The following THSD7B variants were observed in gnomAD, a reference collection of about 807,000 sequenced individuals.
THSD7B encodes thrombospondin type-1 domain-containing protein 7B.
THSD7B carries 138 observed loss-of-function variants against 213.6 expected under a neutral mutation model. The ratio of observed to expected loss-of-function variants is 0.65; its 90% CI spans 0.56 to 0.74. The LOEUF is 0.74. Among genes scored for constraint, THSD7B ranks in the 30% least tolerant of loss-of-function variants. The pLI, the probability that THSD7B is intolerant of heterozygous loss-of-function variation, is 0.00. For synonymous variants in THSD7B, 742 were observed against 687.0 expected (o/e 1.08, Z -1.25); for missense variants, 1,931 against 1,991.5 (o/e 0.97, Z 0.58).
At chr2:136,833,490 TTTTAGA>T (rs1682793982) in intron 1 of THSD7B, among the ~76,000 whole-genome samples, 1 of 151,260 alleles carries the variant, frequency 6.6e-6, no homozygotes, top group Non-Finnish European at 1.5e-5. Flanking sequence ...TCTCTTTCCT[TTTTAGA>T]TTTAAGGCAA....
intron 3 of THSD7B, among the ~76,000 whole-genome samples, chr2:137,085,558 G>C (rs928217329): frequency 1.3e-5 from 2 of 151,948 alleles, no homozygotes; most frequent in African/African-American, 4.8e-5. Context: ...TAAAAAGTTG[G>C]AGACTAATTT....
chr2:137,257,680 G>A (rs747498231), intron 10 of THSD7B, among the ~76,000 whole-genome samples: 10 of 152,136 alleles, frequency 6.6e-5, no homozygotes, highest in Non-Finnish European at 1.3e-4. Flanking sequence ...GTCTTTATTG[G>A]CTTTCTCTCC....
chr2:137,674,381 C>T (rs968267248), intron 27 of THSD7B, among the ~76,000 whole-genome samples: 2 of 152,144 alleles, frequency 1.3e-5, no homozygotes, highest in African/African-American at 2.4e-5. Flanking sequence ...TCCTTGTACT[C>T]TTTTTTGCCA....
chr2:137,287,314 A>G (rs1483151465), intron 12 of THSD7B, among the ~76,000 whole-genome samples: 1 of 152,156 alleles, frequency 6.6e-6, no homozygotes. Context: ...ATGTAGGGCA[A>G]CTTTCTAAAT....
chr2:137,120,388 A>G (rs1688525238), intron 5 of THSD7B, among the ~76,000 whole-genome samples: 1 of 151,310 alleles, frequency 6.6e-6, no homozygotes, highest in African/African-American at 2.4e-5. Flanking sequence ...CAGTTACTCC[A>G]GTGTTTTTTG....
chr2:137,363,602 A>C (rs2104939100), intron 12 of THSD7B, among the ~76,000 whole-genome samples: 1 of 152,364 alleles, frequency 6.6e-6, no homozygotes, highest in Non-Finnish European at 1.5e-5. Flanking sequence ...AGAGAATACT[A>C]TAAACAGCTC....
chr2:137,675,929 T>A (rs938790121), intron 27 of THSD7B, among the ~76,000 whole-genome samples: 19 of 152,306 alleles, frequency 1.2e-4, no homozygotes, highest in Admixed American at 6.5e-4. Context: ...ACTGTGTGAT[T>A]TGGGAATGTT....
At chr2:137,218,599 C>A (rs1458345985) in intron 7 of THSD7B, among the ~76,000 whole-genome samples, 1 of 151,934 alleles carries the variant, frequency 6.6e-6, no homozygotes, top group East Asian at 1.9e-4. Context: ...TAAGACAATA[C>A]TAGAAAAGTA....
In THSD7B at chr2:136,855,530, A is replaced by G. The variant is rs137878711; in HGVS notation, c.-35-26614A>G. Among the ~76,000 whole-genome samples the G allele has an allele frequency of 4.0e-3, 606 of 152,206 alleles. 22 individuals carry two copies. The East Asian group carries it at 0.088, about 22-fold the overall frequency. On this transcript the variant is annotated intron_variant, in intron 1 of 27. Coordinates refer to ENST00000409968, the MANE Select transcript of THSD7B (RefSeq NM_001316349.2). ...AGCCTCCACCTCCCAGGTTCAAGTGATTCTCCAGCCTCAGCCTCCTGAGAA... is the reference window on the plus strand; with the variant it reads ...AGCCTCCACCTCCCAGGTTCAAGTGGTTCTCCAGCCTCAGCCTCCTGAGAA...
chr2:137,089,374 A>T (rs912674006), intron 3 of THSD7B, among the ~76,000 whole-genome samples: 1 of 149,274 alleles, frequency 6.7e-6, no homozygotes, highest in East Asian at 2.0e-4. Context: ...ATGTATATGT[A>T]TATATACTAG....
At chr2:137,148,694 A>G (rs1265656038) in intron 5 of THSD7B, among the ~76,000 whole-genome samples, 1 of 152,172 alleles carries the variant, frequency 6.6e-6, no homozygotes, top group African/African-American at 2.4e-5. Context: ...GTATGCAAAG[A>G]GACTAGTGGC....
intron 17 of THSD7B, among the ~76,000 whole-genome samples, chr2:137,602,084 C>T (rs781297493): frequency 6.6e-6 from 1 of 152,158 alleles, no homozygotes; most frequent in Non-Finnish European, 1.5e-5. Context: ...ATCCCTTGGG[C>T]TTCTTGAGGG....
At chr2:137,635,721 CTTT>C (rs199699054) in intron 20 of THSD7B, among the ~76,000 whole-genome samples, 1 of 141,568 alleles carries the variant, frequency 7.1e-6, no homozygotes, top group African/African-American at 2.6e-5. Context: ...CCGCAAGTTT[CTTT>C]TTTTTTTTTT....
chr2:136,976,193 T>G (rs954051908), intron 2 of THSD7B, among the ~76,000 whole-genome samples: 4 of 152,208 alleles, frequency 2.6e-5, no homozygotes, highest in Non-Finnish European at 5.9e-5. Context: ...TGTCCAGAAC[T>G]TACATTACTA....
intron 2 of THSD7B, among the ~76,000 whole-genome samples, chr2:137,007,230 G>T (rs1231680063): frequency 1.3e-5 from 2 of 152,166 alleles, no homozygotes; most frequent in Non-Finnish European, 2.9e-5. Context: ...GGGCACTGGT[G>T]AATGGAGCTA....
At chr2:137,434,013 C>T (rs944321911) in intron 14 of THSD7B, among the ~76,000 whole-genome samples, 1 of 152,160 alleles carries the variant, frequency 6.6e-6, no homozygotes, top group Non-Finnish European at 1.5e-5. Context: ...TTAGCTATAA[C>T]TCTCAGCTTT....
intron 3 of THSD7B, among the ~76,000 whole-genome samples, chr2:137,080,581 G>T (rs1411475439): frequency 2.6e-5 from 4 of 151,920 alleles, no homozygotes; most frequent in African/African-American, 9.7e-5. Context: ...TTAACTTTGT[G>T]TAGTGCCCTT....
At chr2:136,953,930 G>A (rs994814316) in intron 2 of THSD7B, among the ~76,000 whole-genome samples, 13 of 152,124 alleles carry the variant, frequency 8.5e-5, no homozygotes, top group Non-Finnish European at 1.3e-4. Context: ...TTACAAATGC[G>A]TCAGAAATAC....
chr2:137,543,282 A>G (rs1680641597), intron 15 of THSD7B, among the ~76,000 whole-genome samples: 1 of 151,854 alleles, frequency 6.6e-6, no homozygotes, highest in African/African-American at 2.4e-5. Context: ...TTTGCTATAC[A>G]GAAAATATGT....
Sources: allele counts gnomAD v4.1 joint callset (sites outside exome capture counted in the v4.1 genomes callset), GRCh38; gene constraint gnomAD v4.1.1; transcripts MANE v1.5; gene names NCBI Gene and HGNC (gene_info 2026-07-23, HGNC 2026-07-21).